Variants in EHBP1 observed in about 807,000 individuals in gnomAD.
EHBP1 encodes the protein EH domain-binding protein 1.
Under a neutral mutation model 144.0 loss-of-function variants are expected in EHBP1, and 55 were observed. The observed-to-expected ratio is 0.38, with a 90% CI of 0.31 to 0.48. EHBP1 has a LOEUF of 0.48. Among genes scored for constraint, EHBP1 ranks in the 20% least tolerant of loss-of-function variants. The probability of loss-of-function intolerance (pLI) is 0.98; values close to 1 mark genes in which losing one functional copy is unlikely to be tolerated. For missense variants in EHBP1, 1,200 were observed against 1,364.2 expected (o/e 0.88, Z 1.90); for synonymous variants, 469 against 472.7 (o/e 0.99, Z 0.10).
intron 19 of EHBP1, among the ~76,000 whole-genome samples, chr2:63,027,850 A>T (rs1245762059): frequency 6.6e-6 from 1 of 152,162 alleles, no homozygotes; most frequent in Admixed American, 6.6e-5. Context: ...TGGTGAAAGG[A>T]TACAAAATTT....
intron 10 of EHBP1, among the ~76,000 whole-genome samples, chr2:62,892,056 A>G: frequency 6.6e-6 from 1 of 152,200 alleles, no homozygotes; most frequent in East Asian, 1.9e-4. Flanking sequence ...GACCATTCTT[A>G]TACCTAAAAT....
intron 5 of EHBP1, among the ~76,000 whole-genome samples, chr2:62,815,562 A>G (rs911399107): frequency 6.6e-6 from 1 of 152,236 alleles, no homozygotes; most frequent in African/African-American, 2.4e-5. Context: ...TGAGCTTTAA[A>G]CTAAAGTAGC....
intron 5 of EHBP1, among the ~76,000 whole-genome samples, chr2:62,782,486 C>T (rs1451243888): frequency 6.6e-6 from 1 of 152,058 alleles, no homozygotes; most frequent in Non-Finnish European, 1.5e-5. Flanking sequence ...AAAGACATAC[C>T]TGAGACTGGG....
In EHBP1 at chr2:62,707,109, A is replaced by T. The variant is rs2034668385; in HGVS notation, c.-83A>T. 1.9e-6 allele frequency: 2 copies of T among 1,047,718 alleles called. No homozygotes were observed. Among genetic ancestry groups the T allele is most frequent in the African/African-American group, 3.1e-5 (2 of 63,760 alleles). The allele number at this position is 1,047,718 out of a possible 1,614,324, so 64.9% of individuals were successfully genotyped here. On this transcript the variant is annotated 5_prime_UTR_variant, in exon 2 of 23. The change creates a new upstream start codon in the 5' untranslated region. Coordinates refer to ENST00000431489, the MANE Select transcript of EHBP1 (RefSeq NM_001142616.3). Reference sequence around the variant, plus strand: ...GAGTTTTTAAAAGACATACATGCAAAGTTCCTTTGCTTTGGACCCTCTGCA... The same window carrying T: ...GAGTTTTTAAAAGACATACATGCAATGTTCCTTTGCTTTGGACCCTCTGCA...
intron 19 of EHBP1, among the ~76,000 whole-genome samples, chr2:63,014,268 A>G (rs1281463972): frequency 1.3e-5 from 2 of 152,166 alleles, no homozygotes; most frequent in Non-Finnish European, 2.9e-5. Context: ...TGATTTTGTT[A>G]TTGATCTCTA....
At position 63,046,302 on chromosome 2, in the gene EHBP1, G is replaced by A. The variant is rs1184195609; in HGVS notation, c.*802G>A. 6.6e-6 allele frequency: 1 copy of A among 152,552 alleles called. No individual in the cohort carries two copies. The highest frequency in any genetic ancestry group is 1.5e-5 in the Non-Finnish European group (1 of 68,020). 9.4% of individuals were successfully genotyped at this position (152,552 alleles called of 1,614,324 possible). On this transcript the variant is annotated 3_prime_UTR_variant, in exon 23 of 23. Coordinates refer to ENST00000431489, the MANE Select transcript of EHBP1 (RefSeq NM_001142616.3). ...TTGTTGGGTCTCAACATTGGCTCACGAATGCTGTTAATATTTATTCTGTAT... is the reference window on the plus strand; with the variant it reads ...TTGTTGGGTCTCAACATTGGCTCACAAATGCTGTTAATATTTATTCTGTAT...
In EHBP1 at chr2:62,707,053, T is replaced by G; in HGVS notation, c.-139T>G. On this transcript the variant is annotated 5_prime_UTR_variant, in exon 2 of 23. The change abolishes an upstream ATG in the 5' untranslated region. Transcript: ENST00000431489. ...CCCTGTGAAACAGGGAGAAGACTTA[T>G]GGACCCCAAGCATCATTTCGAGTTG... is the stretch of plus-strand genomic sequence containing the variant. 2 of 637,558 alleles carry G rather than the reference T, an allele frequency of 3.1e-6. No individual in the cohort carries two copies. The highest frequency in any genetic ancestry group is 5.6e-6 in the Non-Finnish European group (2 of 354,260). 39.5% of individuals were successfully genotyped at this position (637,558 alleles called of 1,614,324 possible).
chr2:62,887,787 A>G (rs977426597), intron 10 of EHBP1, among the ~76,000 whole-genome samples: 4 of 152,144 alleles, frequency 2.6e-5, no homozygotes, highest in Admixed American at 6.5e-5. Flanking sequence ...ATTTTGAGGG[A>G]AGATCAGAAT....
chr2:62,723,692 G>T (rs577033393), intron 2 of EHBP1, among the ~76,000 whole-genome samples: 10 of 152,232 alleles, frequency 6.6e-5, no homozygotes, highest in African/African-American at 2.4e-4. Flanking sequence ...AATTTCCTCA[G>T]CATTTCCTTA....
intron 10 of EHBP1, among the ~76,000 whole-genome samples, chr2:62,897,563 T>G (rs2053041579): frequency 6.6e-6 from 1 of 152,222 alleles, no homozygotes; most frequent in African/African-American, 2.4e-5. Context: ...TAAAAAATAC[T>G]GTCTCTTTAG....
At chr2:62,797,121 GAAC>G (rs2043593965) in intron 5 of EHBP1, among the ~76,000 whole-genome samples, 2 of 152,132 alleles carry the variant, frequency 1.3e-5, no homozygotes, top group Admixed American at 1.3e-4. Context: ...GGTAAAATAT[GAAC>G]ATGTAGACAT....
At chr2:62,993,329 A>G (rs1464851203) in intron 16 of EHBP1, among the ~76,000 whole-genome samples, 1 of 152,206 alleles carries the variant, frequency 6.6e-6, no homozygotes, top group African/African-American at 2.4e-5. Flanking sequence ...AAAGTTATCA[A>G]GAGTTAAACC....
At chr2:62,916,970 T>C (rs1384767574) in intron 10 of EHBP1, among the ~76,000 whole-genome samples, 2 of 151,978 alleles carry the variant, frequency 1.3e-5, no homozygotes, top group African/African-American at 4.8e-5. Context: ...CATACACATA[T>C]ATATATATCA....
intron 10 of EHBP1, among the ~76,000 whole-genome samples, chr2:62,929,805 A>G (rs527667041): frequency 6.6e-6 from 1 of 152,270 alleles, no homozygotes; most frequent in East Asian, 1.9e-4. Flanking sequence ...GATCCTGTAT[A>G]TAAAAAACAC....
At chr2:62,931,798 C>T (rs776557164) in intron 10 of EHBP1, among the ~76,000 whole-genome samples, 1 of 152,134 alleles carries the variant, frequency 6.6e-6, no homozygotes, top group Non-Finnish European at 1.5e-5. Context: ...GTTGGGATAA[C>T]ATCTCAGTTA....
intron 10 of EHBP1, among the ~76,000 whole-genome samples, chr2:62,898,313 G>A (rs948440036): frequency 6.6e-6 from 1 of 152,160 alleles, no homozygotes; most frequent in South Asian, 2.1e-4. Context: ...GTCAGGCACA[G>A]TTATTGTTTT....
At chr2:62,821,816 G>A (rs1030536013) in intron 5 of EHBP1, among the ~76,000 whole-genome samples, 1 of 152,104 alleles carries the variant, frequency 6.6e-6, no homozygotes. Flanking sequence ...TTATCTAAAT[G>A]CTTTTTTTAA....
chr2:62,957,690 G>C (rs1477183998), intron 14 of EHBP1, among the ~76,000 whole-genome samples: 1 of 115,526 alleles, frequency 8.7e-6, no homozygotes. Flanking sequence ...ATGTCACCCA[G>C]GCTGGAGCGC....
intron 10 of EHBP1, among the ~76,000 whole-genome samples, chr2:62,903,947 C>G (rs191593064): frequency 4.8e-4 from 73 of 152,312 alleles, no homozygotes; most frequent in African/African-American, 1.7e-3. Context: ...AACCTGAGTA[C>G]ATATCTTACT....
Sources: gnomAD v4.1 joint callset for allele counts (sites outside exome capture counted in the v4.1 genomes callset) on GRCh38, gnomAD v4.1.1 for gene constraint, MANE v1.5 for transcripts, NCBI Gene and HGNC (gene_info 2026-07-23, HGNC 2026-07-21) for gene names.